CLTC: variants seen among roughly 807,000 people sequenced by gnomAD.
CLTC encodes clathrin heavy chain 1.
Under a neutral mutation model 195.8 loss-of-function variants are expected in CLTC, and 16 were observed. That is an observed-to-expected ratio of 0.08 (90% CI 0.06 to 0.12). The LOEUF (loss-of-function observed/expected upper bound fraction) is 0.12, where lower values mean the gene tolerates loss of function less well. CLTC is among the 10% of genes least tolerant of loss of function. The pLI is 1.00. For missense variants in CLTC, 796 were observed against 2,027.0 expected (o/e 0.39, Z 11.66); for synonymous variants, 667 against 689.4 (o/e 0.97, Z 0.51).
chr17:59,622,927 A>AAC, intron 1 of CLTC, among the ~76,000 whole-genome samples: 1 of 152,334 alleles, frequency 6.6e-6, no homozygotes, highest in Admixed American at 6.5e-5. Context: ...TGAATATATG[A>AAC]AGATTTCTCT....
At chr17:59,660,668 C>A in intron 7 of CLTC, 80 bp downstream of exon 7, 1 of 1,379,312 alleles carries the variant, frequency 7.2e-7, no homozygotes, top group Non-Finnish European at 1.0e-6. Context: ...AGAAAAGGAA[C>A]CAGCTTCCTA....
At chr17:59,680,460 T>C (rs971754035) in intron 18 of CLTC, among the ~76,000 whole-genome samples, 2 of 152,206 alleles carry the variant, frequency 1.3e-5, no homozygotes, top group Admixed American at 1.3e-4. Context: ...ATTTCATTCC[T>C]TTCCTAGGAA....
chr17:59,677,730 C>G (rs1294961604), intron 17 of CLTC, among the ~76,000 whole-genome samples: 1 of 152,116 alleles, frequency 6.6e-6, no homozygotes, highest in Non-Finnish European at 1.5e-5. Flanking sequence ...GTTTTCATGT[C>G]TTTAGTCTCC....
At chr17:59,672,621 C>G (rs889141723) in intron 14 of CLTC, among the ~76,000 whole-genome samples, 3 of 152,140 alleles carry the variant, frequency 2.0e-5, no homozygotes, top group African/African-American at 4.8e-5. Flanking sequence ...TGCAGCTTTA[C>G]AGACATTTTT....
At chr17:59,638,657 C>T (rs2031940499) in intron 1 of CLTC, among the ~76,000 whole-genome samples, 1 of 152,098 alleles carries the variant, frequency 6.6e-6, no homozygotes, top group African/African-American at 2.4e-5. Flanking sequence ...CTAGATCCCT[C>T]GCTTGCACAG....
At chr17:59,678,906 G>T (rs1287023700) in intron 17 of CLTC, among the ~76,000 whole-genome samples, 2 of 152,138 alleles carry the variant, frequency 1.3e-5, no homozygotes, top group Admixed American at 1.3e-4. Flanking sequence ...GAAAGCTGAG[G>T]CAGGAGGATC....
At position 59,660,377 on chromosome 17, in the gene CLTC, T is replaced by C; in HGVS notation, c.970-14T>C. The C allele has an allele frequency of 6.2e-7, 1 of 1,610,398 alleles. No homozygotes were observed. ...TGAACACATTGCAGCTACATTTTAT[T>C]CTTTAAATTGCAGGTTCTGTCAGTG... is the stretch of plus-strand genomic sequence containing the variant. On this transcript the variant is annotated splice_polypyrimidine_tract_variant and intron_variant, in intron 6 of 31. Transcript: ENST00000269122.
intron 17 of CLTC, among the ~76,000 whole-genome samples, chr17:59,678,217 G>A (rs1005981558): frequency 6.6e-6 from 1 of 152,154 alleles, no homozygotes; most frequent in Non-Finnish European, 1.5e-5. Flanking sequence ...CCGGAAGCAC[G>A]CAGTGTTCAT....
intron 31 of CLTC, among the ~76,000 whole-genome samples, chr17:59,691,399 CG>C (rs1288232467): frequency 6.6e-6 from 1 of 151,816 alleles, no homozygotes; most frequent in African/African-American, 2.4e-5. Context: ...CTGAGGCGGG[CG>C]GATCACAAGG....
chr17:59,690,839 C>A, intron 31 of CLTC, 128 bp downstream of exon 31: 1 of 579,230 alleles, frequency 1.7e-6, no homozygotes, highest in Non-Finnish European at 2.9e-6. Context: ...CTGCTCTCTA[C>A]TGTCTGATTT....
At chr17:59,672,709 G>A (rs991275901) in intron 14 of CLTC, among the ~76,000 whole-genome samples, 5 of 151,984 alleles carry the variant, frequency 3.3e-5, no homozygotes, top group South Asian at 4.1e-4. Context: ...ACTAGTCTTC[G>A]TATTATTTAT....
At chr17:59,676,275 G>C (rs2032964111) in intron 16 of CLTC, among the ~76,000 whole-genome samples, 1 of 152,194 alleles carries the variant, frequency 6.6e-6, no homozygotes, top group African/African-American at 2.4e-5. Flanking sequence ...CTCCTTGATG[G>C]AGTGTTTATA....
intron 30 of CLTC, among the ~76,000 whole-genome samples, chr17:59,687,476 G>A (rs1184878749): frequency 6.6e-6 from 1 of 150,810 alleles, no homozygotes; most frequent in African/African-American, 2.5e-5. Context: ...TGCCCTAAAA[G>A]GCTTTTTGGG....
chr17:59,662,857 T>G (rs2032641026), intron 8 of CLTC, among the ~76,000 whole-genome samples: 1 of 152,176 alleles, frequency 6.6e-6, no homozygotes. Flanking sequence ...AAAGGATCAC[T>G]TGATGCAAAG....
At position 59,651,281 on chromosome 17, in the gene CLTC, C is replaced by G. The variant is rs763906159; in HGVS notation, c.760C>G (p.Pro254Ala). Reference protein sequence around the residue: ...PKKAVDVFFPPEAQNDFPVAM... With the variant: ...PKKAVDVFFPAEAQNDFPVAM... ...GAAGGCAGTGGATGTCTTCTTTCCT[C>G]CAGAAGCACAAAATGATTTTCCTGT... is the stretch of plus-strand genomic sequence containing the variant. The change falls in exon 5 of 32, where the codon CCA becomes GCA. Residue 254 changes from proline (P) to alanine (A), a missense_variant. Pro to Ala is a conservative substitution (Grantham distance 27). Around this residue, in one of 9 missense-constraint regions of CLTC, gnomAD observed 293 missense variants for 795.6 expected, o/e 0.37. Coordinates refer to ENST00000269122, the MANE Select transcript of CLTC (RefSeq NM_004859.4). 1.2e-6 allele frequency: 2 copies of G among 1,613,766 alleles called. No homozygotes were observed. Among genetic ancestry groups the G allele is most frequent in the South Asian group, 2.2e-5 (2 of 91,012 alleles).
At position 59,683,850 on chromosome 17, in the gene CLTC, T is replaced by G. The variant is rs747174229; in HGVS notation, c.4324-25T>G. On this transcript the variant is annotated intron_variant, in intron 27 of 31. Transcript: ENST00000269122. The surrounding 1 kb of genome is among the most constrained non-coding windows in gnomAD (Gnocchi z 6.1). ...CTGGGACTTCAATAATGTGCTATAT[T>G]TGTAACAAACTCTTTATTTTAAAGG... 7 of 1,611,448 alleles carry G rather than the reference T, an allele frequency of 4.3e-6. No individual in the cohort carries two copies. Among genetic ancestry groups the G allele is most frequent in the East Asian group, 2.2e-5 (1 of 44,836 alleles).
intron 9 of CLTC, 91 bp from the exon 10 acceptor site, chr17:59,664,696 C>G: frequency 1.5e-6 from 2 of 1,356,786 alleles, no homozygotes; most frequent in Non-Finnish European, 2.0e-6. Context: ...ACCAGTAGTT[C>G]TATATTAGTG....
At position 59,675,010 on chromosome 17, in the gene CLTC, C is replaced by G. The variant is rs1212757152; in HGVS notation, c.2561+167C>G. On this transcript the variant is annotated intron_variant, in intron 16 of 31. Coordinates refer to ENST00000269122, the MANE Select transcript of CLTC (RefSeq NM_004859.4). ...CTAGCTAATAGCACTGGGAAAAAAT[C>G]TGTTTTCTGAAACATTATAGCTGTC... is the stretch of plus-strand genomic sequence containing the variant. 2.0e-5 allele frequency among the ~76,000 whole-genome samples: 3 copies of G among 152,142 alleles called. No individual in the cohort carries two copies. The South Asian group carries it at 6.2e-4, about 31-fold the overall frequency.
At position 59,644,340 on chromosome 17, in the gene CLTC, A is replaced by G. The variant is rs780290587; in HGVS notation, c.107A>G (p.Lys36Arg). 1.2e-6 allele frequency: 2 copies of G among 1,614,080 alleles called. No individual in the cohort carries two copies. Among genetic ancestry groups the G allele is most frequent in the Non-Finnish European group, 1.7e-6 (2 of 1,180,014 alleles). Residue 36 changes from lysine to arginine, a missense_variant, in exon 2 of 32, where the codon AAA becomes AGA. Around this residue, in one of 9 missense-constraint regions of CLTC, gnomAD observed 293 missense variants for 795.6 expected, o/e 0.37. Transcript: ENST00000269122. ...GFSTLTMESD[K>R]FICIREKVGE... ...AGTACCCTGACTATGGAGTCTGACAAATTCATCTGCATTAGAGAAAAAGTA... is the reference window on the plus strand; with the variant it reads ...AGTACCCTGACTATGGAGTCTGACAGATTCATCTGCATTAGAGAAAAAGTA...
Sources: allele counts gnomAD v4.1 joint callset (sites outside exome capture counted in the v4.1 genomes callset), GRCh38; gene constraint gnomAD v4.1.1; regional missense constraint gnomAD v4.1.1; non-coding constraint Gnocchi (gnomAD v3.1); transcripts MANE v1.5; gene names NCBI Gene and HGNC (gene_info 2026-07-23, HGNC 2026-07-21).